Variants in ARHGAP32 observed in about 807,000 individuals in gnomAD.
ARHGAP32 encodes the protein Rho GTPase activating protein 32.
Under a neutral mutation model 186.5 loss-of-function variants are expected in ARHGAP32, and 51 were observed. That is an observed-to-expected ratio of 0.27 (90% CI 0.22 to 0.35). The LOEUF (loss-of-function observed/expected upper bound fraction) is 0.35, where lower values mean the gene tolerates loss of function less well. Among genes scored for constraint, ARHGAP32 ranks in the 10% least tolerant of loss-of-function variants. The pLI, the probability that ARHGAP32 is intolerant of heterozygous loss-of-function variation, is 1.00. For missense variants in ARHGAP32, 2,186 were observed against 2,623.5 expected (o/e 0.83, Z 3.64); for synonymous variants, 950 against 964.3 (o/e 0.99, Z 0.27).
intron 11 of ARHGAP32, among the ~76,000 whole-genome samples, chr11:129,039,830 T>TA (rs901638860): frequency 6.6e-6 from 1 of 152,182 alleles, no homozygotes; most frequent in African/African-American, 2.4e-5. Context: ...AGGAGCTTTT[T>TA]AAAAAAGTTT....
At chr11:129,109,947 TTA>T (rs1942160224) in intron 5 of ARHGAP32, among the ~76,000 whole-genome samples, 1 of 152,164 alleles carries the variant, frequency 6.6e-6, no homozygotes, top group Non-Finnish European at 1.5e-5. Context: ...GGTTCTTAGT[TTA>T]ATAGAGTATC....
In ARHGAP32 at chr11:129,106,481, C is replaced by T. The variant is rs111927742; in HGVS notation, c.445-12774G>A. Among the ~76,000 whole-genome samples the T allele has an allele frequency of 8.7e-3, 1,324 of 151,828 alleles. 62 individuals are homozygous for T. Among genetic ancestry groups the T allele is most frequent in the Admixed American group, 0.076 (1,156 of 15,218 alleles). ...GTCGGAGCTGAACATCAGGTACTTACGGAAATAAAGATGGTAACAATAGAC... is the reference window on the plus strand; with the variant it reads ...GTCGGAGCTGAACATCAGGTACTTATGGAAATAAAGATGGTAACAATAGAC... On this transcript the variant is annotated intron_variant, in intron 5 of 22. Coordinates refer to ENST00000682385, the MANE Select transcript of ARHGAP32 (RefSeq NM_001378024.1).
Position 129,062,305 on chromosome 11 carries a change from C to T in ARHGAP32, c.938G>A (p.Trp313Ter). The T allele has an allele frequency of 6.2e-7, 1 of 1,613,684 alleles. No homozygotes were observed. The highest frequency in any genetic ancestry group is 8.5e-7 in the Non-Finnish European group (1 of 1,179,704). The change falls in exon 10 of 23, where the codon TGG (tryptophan) becomes TAG (stop). Residue 313 changes from tryptophan (W) to a stop codon, truncating the protein, a stop_gained. Coordinates refer to ENST00000682385, the MANE Select transcript of ARHGAP32 (RefSeq NM_001378024.1). LOFTEE classifies it high-confidence loss of function. ...IDMPPKVLST[W>*]WRGKHGFQVG... is the part of the protein sequence containing the mutation. ...CTGGAATCCGTGCTTGCCTCTCCAC[C>T]ATGTGCTTAACACTTTCGGGGGCAT...
chr11:129,277,537 T>G (rs1440641379), intron 1 of ARHGAP32, among the ~76,000 whole-genome samples: 1 of 152,232 alleles, frequency 6.6e-6, no homozygotes, highest in East Asian at 1.9e-4. Context: ...CACCTCAATG[T>G]GAACGATCAT....
rs964809293 is a variant in ARHGAP32, at chr11:128,997,201, T to C, written c.1195+1118A>G. On this transcript the variant is annotated intron_variant, in intron 12 of 22. Transcript: ENST00000682385. ...GGTTGAGTTTTCCATGTGCATTTAG[T>C]TGCAAAAGTAATCCTCAGGGGTTTT... Among the ~76,000 whole-genome samples, 6 of 152,228 alleles carry C rather than the reference T, an allele frequency of 3.9e-5. No homozygotes were observed. The East Asian group carries it at 1.2e-3, about 29-fold the overall frequency.
At position 128,974,927 on chromosome 11, in the gene ARHGAP32, A is replaced by G. The variant is rs139712685; in HGVS notation, c.2270T>C (p.Met757Thr). Residue 757 changes from methionine to threonine, a missense_variant, in exon 21 of 23, where the codon ATG becomes ACG. Met to Thr is a moderately conservative substitution (Grantham distance 81). Transcript: ENST00000682385. Reference protein sequence around the residue: ...DALSASFNGEMLGNRCNSYDN... With the variant: ...DALSASFNGETLGNRCNSYDN... ...ATAGGAGTTACAGCGGTTCCCCAGC[A>G]TTTCTCCATTAAAAGAGGCAGACAG... is the stretch of plus-strand genomic sequence containing the variant. 19 of 1,613,964 alleles carry G rather than the reference A, an allele frequency of 1.2e-5. No individual in the cohort carries two copies. Among genetic ancestry groups the G allele is most frequent in the Non-Finnish European group, 1.4e-5 (17 of 1,179,994 alleles).
chr11:129,221,029 G>A (rs759517471), intron 1 of ARHGAP32, among the ~76,000 whole-genome samples: 35 of 151,792 alleles, frequency 2.3e-4, no homozygotes, highest in Non-Finnish European at 3.2e-4. Flanking sequence ...AATGTGAAGC[G>A]ATGTTTCAAA....
intron 15 of ARHGAP32, among the ~76,000 whole-genome samples, chr11:128,985,649 C>T (rs916095839): frequency 3.9e-4 from 59 of 151,796 alleles, no homozygotes; most frequent in African/African-American, 1.4e-3. Context: ...AACAAACAAA[C>T]AAAAAACCCC....
At chr11:129,080,968 T>C (rs889907984) in intron 6 of ARHGAP32, among the ~76,000 whole-genome samples, 2 of 152,050 alleles carry the variant, frequency 1.3e-5, no homozygotes, top group African/African-American at 4.8e-5. Context: ...AAAGATATTA[T>C]GAACTACTTT....
chr11:128,987,765 A>C (rs2136126327), intron 13 of ARHGAP32, among the ~76,000 whole-genome samples: 1 of 152,280 alleles, frequency 6.6e-6, no homozygotes, highest in South Asian at 2.1e-4. Flanking sequence ...GTTCAAACTC[A>C]ATTTGTTAAA....
At chr11:129,267,623 A>G (rs1945421580) in intron 1 of ARHGAP32, among the ~76,000 whole-genome samples, 1 of 152,260 alleles carries the variant, frequency 6.6e-6, no homozygotes, top group South Asian at 2.1e-4. Flanking sequence ...TGATAAAATC[A>G]GCAATGGAAC....
intron 10 of ARHGAP32, among the ~76,000 whole-genome samples, chr11:129,060,375 AGAT>A (rs1186110880): frequency 2.8e-4 from 41 of 146,652 alleles, no homozygotes; most frequent in East Asian, 6.0e-4. Context: ...ATAGATAGAT[AGAT>A]AGATAAGATA....
chr11:129,233,067 T>C (rs898236254), intron 1 of ARHGAP32, among the ~76,000 whole-genome samples: 1 of 152,120 alleles, frequency 6.6e-6, no homozygotes, highest in Non-Finnish European at 1.5e-5. Context: ...AAGTATTTAT[T>C]TTTACTGGAG....
chr11:129,242,732 A>G (rs1006310369), intron 1 of ARHGAP32, among the ~76,000 whole-genome samples: 1 of 151,532 alleles, frequency 6.6e-6, no homozygotes, highest in East Asian at 1.9e-4. Flanking sequence ...AAAAAAAAAG[A>G]TAAAGAAAAA....
Position 128,967,982 on chromosome 11 carries a change from G to C in ARHGAP32, c.*925C>G, listed in dbSNP as rs1237942856. 7.1e-6 allele frequency: 1 copy of C among 140,438 alleles called. No homozygotes were observed. Among genetic ancestry groups the C allele is most frequent in the Non-Finnish European group, 1.5e-5 (1 of 66,090 alleles). 8.7% of individuals were successfully genotyped at this position (140,438 alleles called of 1,614,324 possible). ...AGTTGATAATTTAGGAAAACCAATGGTATGACATGTTTTACTAGAATTACA... is the reference window on the plus strand; with the variant it reads ...AGTTGATAATTTAGGAAAACCAATGCTATGACATGTTTTACTAGAATTACA... On this transcript the variant is annotated 3_prime_UTR_variant, in exon 23 of 23. Transcript: ENST00000682385.
intron 11 of ARHGAP32, among the ~76,000 whole-genome samples, chr11:129,029,648 A>G (rs1243965492): frequency 6.6e-6 from 1 of 151,924 alleles, no homozygotes; most frequent in Non-Finnish European, 1.5e-5. Context: ...CTAAAAATAC[A>G]AAAAATTAGC....
intron 1 of ARHGAP32, among the ~76,000 whole-genome samples, chr11:129,169,006 T>C (rs1250726889): frequency 2.6e-5 from 4 of 152,164 alleles, no homozygotes; most frequent in Non-Finnish European, 5.9e-5. Context: ...GGGATACAAC[T>C]AAAGAGGTAT....
At chr11:129,210,890 C>T (rs967672619) in intron 1 of ARHGAP32, among the ~76,000 whole-genome samples, 6 of 152,184 alleles carry the variant, frequency 3.9e-5, no homozygotes, top group South Asian at 2.1e-4. Flanking sequence ...CAGCTTAACA[C>T]GAAGTTCACT....
intron 11 of ARHGAP32, among the ~76,000 whole-genome samples, chr11:129,014,716 T>A (rs912758542): frequency 2.0e-5 from 3 of 152,234 alleles, no homozygotes; most frequent in Admixed American, 6.5e-5. Flanking sequence ...ATGTTTAACA[T>A]GTCCAGTGGA....
Sources: allele counts gnomAD v4.1 joint callset (sites outside exome capture counted in the v4.1 genomes callset), GRCh38; gene constraint gnomAD v4.1.1; transcripts MANE v1.5; gene names NCBI Gene and HGNC (gene_info 2026-07-23, HGNC 2026-07-21).